FCHO2: variants seen among roughly 807,000 people sequenced by gnomAD.
The protein encoded by FCHO2 is FCH and mu domain containing endocytic adaptor 2.
In FCHO2, 43 loss-of-function variants were observed where a neutral mutation model predicts 114.1. That is an observed-to-expected ratio of 0.38 (90% CI 0.30 to 0.49). The LOEUF is 0.49. Ranked by LOEUF, FCHO2 falls within the 20% of genes least tolerant of loss-of-function variation. FCHO2 has a pLI of 0.97. For missense variants in FCHO2, 807 were observed against 950.4 expected (o/e 0.85, Z 1.98); for synonymous variants, 293 against 315.2 (o/e 0.93, Z 0.75).
At chr5:72,979,317 A>G (rs916343640) in intron 2 of FCHO2, among the ~76,000 whole-genome samples, 2 of 135,694 alleles carry the variant, frequency 1.5e-5, no homozygotes, top group African/African-American at 5.6e-5. Flanking sequence ...CAGGGATTCT[A>G]CCTCTTCCTG....
chr5:73,080,030 G>A (rs1294964221), intron 22 of FCHO2, among the ~76,000 whole-genome samples: 3 of 152,116 alleles, frequency 2.0e-5, no homozygotes, highest in Non-Finnish European at 2.9e-5. Flanking sequence ...AAATGTGTGT[G>A]TTTATAAAAT....
At chr5:72,986,523 T>A (rs552541220) in intron 2 of FCHO2, among the ~76,000 whole-genome samples, 3 of 152,320 alleles carry the variant, frequency 2.0e-5, no homozygotes, top group African/African-American at 7.2e-5. Flanking sequence ...TGCCCTTCTC[T>A]TGGATCTTGA....
At chr5:73,055,930 T>C (rs1757572024) in intron 15 of FCHO2, 135 bp from the exon 16 acceptor site, 1 of 575,632 alleles carries the variant, frequency 1.7e-6, no homozygotes, top group Admixed American at 3.7e-5. Context: ...GTTAAAATAT[T>C]GTTTGTATTT....
At chr5:73,030,419 T>G (rs1756175845) in intron 8 of FCHO2, among the ~76,000 whole-genome samples, 1 of 152,238 alleles carries the variant, frequency 6.6e-6, no homozygotes, top group African/African-American at 2.4e-5. Context: ...TAGCAGCCAT[T>G]GTTGAGAACC....
chr5:73,037,832 C>A, intron 10 of FCHO2: 1 of 356,424 alleles, frequency 2.8e-6, no homozygotes, highest in Middle Eastern at 9.7e-4. Context: ...TCTTGGCTTA[C>A]TGCATTCTCC....
intron 8 of FCHO2, among the ~76,000 whole-genome samples, chr5:73,031,988 CTT>C (rs1054017206): frequency 1.1e-3 from 172 of 152,294 alleles, no homozygotes; most frequent in African/African-American, 4.0e-3. Flanking sequence ...AAAAAAATAA[CTT>C]GTCTTATGAT....
chr5:73,024,146 A>T (rs1755787279), intron 8 of FCHO2, among the ~76,000 whole-genome samples: 1 of 151,960 alleles, frequency 6.6e-6, no homozygotes, highest in South Asian at 2.1e-4. Flanking sequence ...TGTAGCTTCA[A>T]CCTCCCAGGC....
intron 2 of FCHO2, among the ~76,000 whole-genome samples, chr5:72,988,298 T>G (rs1753642748): frequency 6.6e-6 from 1 of 151,678 alleles, no homozygotes; most frequent in South Asian, 2.1e-4. Context: ...ATTAGCTGGG[T>G]GTGGTGGCGG....
At chr5:73,029,226 A>G (rs530044070) in intron 8 of FCHO2, among the ~76,000 whole-genome samples, 40 of 152,330 alleles carry the variant, frequency 2.6e-4, no homozygotes, top group African/African-American at 8.9e-4. Flanking sequence ...TGGCATGAGT[A>G]ACTGAAAGGA....
intron 11 of FCHO2, among the ~76,000 whole-genome samples, chr5:73,047,109 G>A (rs1406229510): frequency 2.0e-5 from 3 of 152,076 alleles, no homozygotes; most frequent in Non-Finnish European, 4.4e-5. Context: ...GAAATAATAC[G>A]AAGAACACTT....
chr5:73,054,333 T>C (rs114206713), intron 14 of FCHO2, among the ~76,000 whole-genome samples, 162 bp downstream of exon 14: 102 of 152,308 alleles, frequency 6.7e-4, no homozygotes, highest in African/African-American at 2.4e-3. Flanking sequence ...GTGTTAAAAC[T>C]ACATGTATTA....
chr5:73,028,895 C>T (rs1756084963), intron 8 of FCHO2, among the ~76,000 whole-genome samples: 1 of 152,008 alleles, frequency 6.6e-6, no homozygotes, highest in African/African-American at 2.4e-5. Flanking sequence ...GATCCACCCG[C>T]CTCGGCCTCC....
intron 10 of FCHO2, chr5:73,037,740 T>C (rs928603502): frequency 2.5e-6 from 1 of 402,920 alleles, no homozygotes; most frequent in Non-Finnish European, 4.8e-6. Context: ...TTTGGTCCAC[T>C]TATAAGTCTG....
chr5:73,085,777 AAAATAAATAAATAAATAAATAAATAAAT>A (rs144379859), intron 24 of FCHO2, among the ~76,000 whole-genome samples: 115 of 140,246 alleles, frequency 8.2e-4, no homozygotes, highest in East Asian at 4.2e-3. Flanking sequence ...TCTGTCTCAA[AAAATAAATAAATAAATAAATAAATAAAT>A]AAATAAATAA....
chr5:73,082,967 G>A, intron 24 of FCHO2, 142 bp downstream of exon 24: 2 of 644,060 alleles, frequency 3.1e-6, no homozygotes, highest in Non-Finnish European at 2.6e-6. Flanking sequence ...TCCGCCTGCT[G>A]GGTTCAAGCG....
In FCHO2 at chr5:72,966,884, A is replaced by G. The variant is rs141375936; in HGVS notation, c.34-1614A>G. Among the ~76,000 whole-genome samples, 1,107 of 152,356 alleles carry G rather than the reference A, an allele frequency of 7.3e-3. 11 individuals are homozygous for G. Among genetic ancestry groups the G allele is most frequent in the Middle Eastern group, 0.034 (10 of 294 alleles). ...TCAGCTGTCTTTTATTTCATCGAAT[A>G]AATTGACATTTCTAATGTTATCTTT... On this transcript the variant is annotated intron_variant, in intron 1 of 25. Coordinates refer to ENST00000430046, the MANE Select transcript of FCHO2 (RefSeq NM_138782.3).
At chr5:73,035,606 G>A (rs775563616) in intron 9 of FCHO2, among the ~76,000 whole-genome samples, 2 of 151,814 alleles carry the variant, frequency 1.3e-5, no homozygotes, top group Admixed American at 6.6e-5. Context: ...AGATCCAAGC[G>A]ATCCTTGCAC....
chr5:73,016,111 A>G (rs988326329), intron 7 of FCHO2, among the ~76,000 whole-genome samples: 4 of 152,180 alleles, frequency 2.6e-5, no homozygotes, highest in Middle Eastern at 6.8e-3. Context: ...AATGATGACA[A>G]TTTGGGGTAT....
chr5:72,997,064 T>C (rs1754158978), intron 5 of FCHO2: 1 of 1,301,712 alleles, frequency 7.7e-7, no homozygotes, highest in East Asian at 2.3e-5. Context: ...CCCCTTATCT[T>C]CTTGTCCTGG....
Sources: allele counts gnomAD v4.1 joint callset (sites outside exome capture counted in the v4.1 genomes callset), GRCh38; gene constraint gnomAD v4.1.1; transcripts MANE v1.5; gene names NCBI Gene and HGNC (gene_info 2026-07-23, HGNC 2026-07-21).